UNC13C: variants seen among roughly 807,000 people sequenced by gnomAD.
The protein encoded by UNC13C is unc-13 homolog C, also known as protein unc-13 homolog C.
Under a neutral mutation model 245.4 loss-of-function variants are expected in UNC13C, and 174 were observed. That is an observed-to-expected ratio of 0.71 (90% confidence interval 0.63 to 0.80). The LOEUF is 0.80. Ranked by LOEUF, UNC13C falls within the 30% of genes least tolerant of loss-of-function variation. UNC13C has a pLI of 0.00. For synonymous variants in UNC13C, 992 were observed against 895.1 expected, an observed-to-expected ratio of 1.11 and a Z score of -1.93; for missense variants, 2,829 against 2,602.9, an observed-to-expected ratio of 1.09 and a Z score of -1.89.
At chr15:54,610,498 A>T (rs1239920823) in intron 30 of UNC13C, among the ~76,000 whole-genome samples, 2 of 152,166 alleles carry the variant, frequency 1.3e-5, no homozygotes, top group African/African-American at 4.8e-5. Flanking sequence ...TAAAAATGTT[A>T]GTCATATGTG....
rs141911545 is a variant in UNC13C at position 54,250,631 on chromosome 15, C to G, written c.3448+187C>G. On this transcript the variant is annotated intron_variant, in intron 8 of 32. Coordinates refer to ENST00000260323, the MANE Select transcript of UNC13C (RefSeq NM_001080534.3). ...GATGATGCATTCTTACAGTGTGGAGCTAGGTGCTATTAGAATCCTCAGGGT... is the reference window on the plus strand; with the variant it reads ...GATGATGCATTCTTACAGTGTGGAGGTAGGTGCTATTAGAATCCTCAGGGT... 9.4e-3 allele frequency among the ~76,000 whole-genome samples: 1,433 copies of G among 152,100 alleles called. 17 individuals carry two copies. Among genetic ancestry groups the G allele is most frequent in the African/African-American group, 0.034 (1,390 of 41,466 alleles).
chr15:54,182,974 G>A (rs1348632217), intron 4 of UNC13C, among the ~76,000 whole-genome samples: 1 of 151,896 alleles, frequency 6.6e-6, no homozygotes, highest in Admixed American at 6.6e-5. Context: ...GGAAGCTAAA[G>A]TACTAATTTC....
chr15:53,869,205 A>G, the UNC13C span, among the ~76,000 whole-genome samples: 1 of 152,204 alleles, frequency 6.6e-6, no homozygotes, highest in Non-Finnish European at 1.5e-5. Context: ...ACAAAGCTTT[A>G]GGGCCCTGGG....
rs752706186 is a variant in UNC13C, at chr15:54,533,071, G to GT, written c.5696+12dup. On this transcript the variant is annotated splice_donor_region_variant and intron_variant, in intron 26 of 32. Coordinates refer to ENST00000260323, the MANE Select transcript of UNC13C (RefSeq NM_001080534.3). ...TATGGATTTTTTGGACAAAACGTAA[G>GT]TTTTTTTGCCCAGTTTTCTCTTTAC... 4 of 1,582,054 alleles carry GT rather than the reference G, an allele frequency of 2.5e-6. No homozygotes were observed. The highest frequency in any genetic ancestry group is 1.3e-5 in the African/African-American group (1 of 74,268).
At chr15:54,282,889 G>A (rs2037036300) in intron 10 of UNC13C, among the ~76,000 whole-genome samples, 1 of 152,176 alleles carries the variant, frequency 6.6e-6, no homozygotes, top group South Asian at 2.1e-4. Context: ...CTCAAGGTCA[G>A]GCCGTCTCTC....
intron 4 of UNC13C, among the ~76,000 whole-genome samples, chr15:54,177,235 C>A (rs1322787480): frequency 1.3e-5 from 2 of 152,108 alleles, no homozygotes; most frequent in Non-Finnish European, 2.9e-5. Context: ...TTATCAAATA[C>A]TACCATAACT....
chr15:53,975,620 G>A (rs1256592866), upstream of UNC13C, among the ~76,000 whole-genome samples: 1 of 152,066 alleles, frequency 6.6e-6, no homozygotes, highest in East Asian at 1.9e-4. Flanking sequence ...AATTCTACAA[G>A]AATGACCCCT....
At chr15:54,507,776 A>T (rs531374522) in intron 23 of UNC13C, among the ~76,000 whole-genome samples, 1 of 152,150 alleles carries the variant, frequency 6.6e-6, no homozygotes, top group Admixed American at 6.5e-5. Context: ...GGAAGGTGAA[A>T]GCTTTCTTAT....
chr15:54,020,441 A>AT (rs35981072), intron 2 of UNC13C, among the ~76,000 whole-genome samples: 47,484 of 106,692 alleles, frequency 0.45, 10,175 homozygotes, highest in South Asian at 0.62. Context: ...CGCCCAGCTA[A>AT]TTTTTTTTTT....
In UNC13C at chr15:54,128,850, C is replaced by T. The variant is rs145510549; in HGVS notation, c.2984-14168C>T. Among the ~76,000 whole-genome samples, 235 of 152,296 alleles carry T rather than the reference C, an allele frequency of 1.5e-3. 1 individual carries two copies. Among genetic ancestry groups the T allele is most frequent in the African/African-American group, 5.4e-3 (224 of 41,556 alleles). On this transcript the variant is annotated intron_variant, in intron 2 of 32. Coordinates refer to ENST00000260323, the MANE Select transcript of UNC13C (RefSeq NM_001080534.3). The stretch of plus-strand genomic sequence containing the variant: ...AGTACCTAATTGCTGCTTCCCATCA[C>T]TGATATCAGGGGAGTAACCTCCTTA...
chr15:54,527,186 T>C (rs1391500338), intron 25 of UNC13C, among the ~76,000 whole-genome samples: 5 of 152,174 alleles, frequency 3.3e-5, no homozygotes, highest in Non-Finnish European at 7.4e-5. Context: ...TTACCTGAAG[T>C]TGGAGAAACA....
At chr15:54,001,152 T>G (rs1894868872) in intron 1 of UNC13C, among the ~76,000 whole-genome samples, 1 of 152,208 alleles carries the variant, frequency 6.6e-6, no homozygotes, top group Non-Finnish European at 1.5e-5. Flanking sequence ...TTTATTACTT[T>G]TTTCCAATGA....
intron 2 of UNC13C, among the ~76,000 whole-genome samples, chr15:54,116,272 A>G (rs937091430): frequency 6.6e-6 from 1 of 152,120 alleles, no homozygotes; most frequent in African/African-American, 2.4e-5. Flanking sequence ...TCTTTATGCT[A>G]CAAACATTTG....
chr15:53,883,202 C>T, the UNC13C span, among the ~76,000 whole-genome samples: 24 of 152,076 alleles, frequency 1.6e-4, no homozygotes, highest in African/African-American at 5.8e-4. Flanking sequence ...TATTATCTTA[C>T]TATGAGGCTT....
intron 30 of UNC13C, among the ~76,000 whole-genome samples, chr15:54,611,813 G>C (rs1243593999): frequency 6.6e-6 from 1 of 152,010 alleles, no homozygotes; most frequent in Non-Finnish European, 1.5e-5. Flanking sequence ...AGAGTATAAA[G>C]ATATTACTCA....
chr15:54,293,840 A>G (rs1014614008), intron 10 of UNC13C, 55 bp from the exon 11 acceptor site: 2 of 1,396,542 alleles, frequency 1.4e-6, no homozygotes, highest in South Asian at 3.3e-5. Context: ...ACTAACATCA[A>G]ATGGAATTTA....
chr15:54,058,043 T>C (rs1897620749), intron 2 of UNC13C, among the ~76,000 whole-genome samples: 1 of 151,954 alleles, frequency 6.6e-6, no homozygotes, highest in Admixed American at 6.6e-5. Context: ...AACATCAGAA[T>C]TAAAAGAAGT....
chr15:54,076,885 G>A (rs187267006), intron 2 of UNC13C, among the ~76,000 whole-genome samples: 1 of 152,182 alleles, frequency 6.6e-6, no homozygotes, highest in South Asian at 2.1e-4. Context: ...AACATTATCA[G>A]ATTGATTTAG....
intron 26 of UNC13C, 37 bp from the exon 27 acceptor site, chr15:54,546,685 A>C: frequency 1.5e-6 from 2 of 1,313,356 alleles, no homozygotes; most frequent in Non-Finnish European, 2.0e-6. Flanking sequence ...TTGATCTGAA[A>C]TTTAAAAGTG....
Sources: allele counts gnomAD v4.1 joint callset (sites outside exome capture counted in the v4.1 genomes callset), GRCh38; gene constraint gnomAD v4.1.1; transcripts MANE v1.5; gene names NCBI Gene and HGNC (gene_info 2026-07-23, HGNC 2026-07-21).